SMOC2: variants seen among roughly 807,000 people sequenced by gnomAD.
SMOC2 encodes the protein SPARC-related modular calcium-binding protein 2.
A neutral mutation model predicts 61.4 loss-of-function variants in SMOC2; 39 were observed. That is an observed-to-expected ratio of 0.64 (90% CI 0.49 to 0.83). The LOEUF (loss-of-function observed/expected upper bound fraction) is 0.83. Ranked by LOEUF, SMOC2 falls within the 40% of genes least tolerant of loss-of-function variation. The probability of loss-of-function intolerance (pLI) is 0.00; values close to 1 mark genes in which losing one functional copy is unlikely to be tolerated. For synonymous variants in SMOC2, 247 were observed against 239.9 expected (o/e 1.03, Z -0.27); for missense variants, 556 against 592.9 (o/e 0.94, Z 0.65).
chr6:168,646,379 T>C (rs1009922073), intron 9 of SMOC2, among the ~76,000 whole-genome samples: 14 of 152,204 alleles, frequency 9.2e-5, no homozygotes, highest in Admixed American at 3.3e-4. Flanking sequence ...TTTGAGTTCC[T>C]TCAGGGGCAG....
At chr6:168,636,777 C>G (rs562140878) in intron 9 of SMOC2, among the ~76,000 whole-genome samples, 4 of 152,188 alleles carry the variant, frequency 2.6e-5, no homozygotes, top group African/African-American at 7.2e-5. Flanking sequence ...AGCTGGTGGC[C>G]GAGGCTGGTG....
chr6:168,517,644 T>C (rs1378426003), intron 2 of SMOC2, among the ~76,000 whole-genome samples: 1 of 152,198 alleles, frequency 6.6e-6, no homozygotes, highest in African/African-American at 2.4e-5. Context: ...CCACGCGCTC[T>C]GCTCCTTCTG....
chr6:168,482,621 A>G (rs967720249), intron 1 of SMOC2, among the ~76,000 whole-genome samples: 2 of 152,118 alleles, frequency 1.3e-5, no homozygotes, highest in African/African-American at 4.8e-5. Flanking sequence ...CTAGAGGCCA[A>G]TATCCCTTAT....
chr6:168,576,944 A>T (rs1784817922), intron 7 of SMOC2, among the ~76,000 whole-genome samples: 1 of 151,578 alleles, frequency 6.6e-6, no homozygotes, highest in Non-Finnish European at 1.5e-5. Context: ...ATACCTGGAG[A>T]AAGAAGGGCC....
At chr6:168,645,168 GAGA>G (rs1562401472) in intron 9 of SMOC2, among the ~76,000 whole-genome samples, 1 of 152,172 alleles carries the variant, frequency 6.6e-6, no homozygotes, top group African/African-American at 2.4e-5. Context: ...CAGATTTCTG[GAGA>G]AGGAGAGAAG....
chr6:168,630,523 T>G (rs1786539953), intron 9 of SMOC2, among the ~76,000 whole-genome samples: 1 of 152,150 alleles, frequency 6.6e-6, no homozygotes, highest in Non-Finnish European at 1.5e-5. Context: ...ATAATTGCAT[T>G]AACTGCACAA....
At chr6:168,579,542 A>T (rs1784879149) in intron 7 of SMOC2, among the ~76,000 whole-genome samples, 1 of 152,250 alleles carries the variant, frequency 6.6e-6, no homozygotes, top group African/African-American at 2.4e-5. Flanking sequence ...ATTCTACAGA[A>T]TCTGACAGAG....
rs200774380 is a variant in SMOC2 at position 168,598,909 on chromosome 6, C to T, written c.729C>T (p.Gly243=). Residue 243 remains glycine (G), a synonymous_variant, in exon 8 of 13, where the codon GGC becomes GGT. Transcript: ENST00000356284. ...TGGTGATCCCTGAGTGTGCGCACGG[C>T]GGCCTCTACAAGCCAGTGCAGTGCC... The part of the protein sequence containing the change: ...DNVVIPECAH[G]GLYKPVQCHP... 17 of 1,613,384 alleles carry T rather than the reference C, an allele frequency of 1.1e-5. No individual in the cohort carries two copies. Among genetic ancestry groups the T allele is most frequent in the South Asian group, 4.4e-5 (4 of 91,086 alleles).
chr6:168,567,019 A>G (rs1784561417), intron 7 of SMOC2, among the ~76,000 whole-genome samples: 1 of 152,262 alleles, frequency 6.6e-6, no homozygotes, highest in Non-Finnish European at 1.5e-5. Context: ...GCATTTTTAT[A>G]GCTCATAACT....
intron 2 of SMOC2, among the ~76,000 whole-genome samples, chr6:168,517,114 G>A (rs975421956): frequency 2.0e-5 from 3 of 152,212 alleles, no homozygotes; most frequent in Non-Finnish European, 2.9e-5. Flanking sequence ...TCGCTGTGCC[G>A]TGACAAGGCG....
intron 1 of SMOC2, among the ~76,000 whole-genome samples, chr6:168,487,297 C>G (rs932567109): frequency 6.6e-6 from 1 of 152,174 alleles, no homozygotes. Flanking sequence ...AGGAACGACT[C>G]ATATTTGGCT....
At chr6:168,610,195 C>G (rs1785818519) in intron 9 of SMOC2, among the ~76,000 whole-genome samples, 2 of 152,166 alleles carry the variant, frequency 1.3e-5, no homozygotes, top group South Asian at 4.2e-4. Context: ...ATGCTCCTCT[C>G]TGCTAAAACA....
intron 9 of SMOC2, among the ~76,000 whole-genome samples, chr6:168,623,970 G>C (rs1786317506): frequency 6.6e-6 from 1 of 152,168 alleles, no homozygotes; most frequent in South Asian, 2.1e-4. Flanking sequence ...CTGGCGGCTG[G>C]GTGGGGCATC....
At chr6:168,454,445 C>T (rs1299757836) in intron 1 of SMOC2, among the ~76,000 whole-genome samples, 1 of 152,062 alleles carries the variant, frequency 6.6e-6, no homozygotes. Context: ...CTGAAAATAG[C>T]CCCTCGTAAC....
At chr6:168,621,056 TG>T (rs1307259158) in intron 9 of SMOC2, among the ~76,000 whole-genome samples, 1 of 152,166 alleles carries the variant, frequency 6.6e-6, no homozygotes, top group African/African-American at 2.4e-5. Flanking sequence ...TCAGACAGCA[TG>T]ATTTACTTTT....
intron 4 of SMOC2, among the ~76,000 whole-genome samples, chr6:168,531,438 C>A (rs73791059): frequency 1.3e-5 from 2 of 152,316 alleles, no homozygotes; most frequent in South Asian, 2.1e-4. Flanking sequence ...ATTTCTCTAG[C>A]GTCCTTCCCT....
At chr6:168,454,489 G>T (rs557786049) in intron 1 of SMOC2, among the ~76,000 whole-genome samples, 1 of 151,998 alleles carries the variant, frequency 6.6e-6, no homozygotes, top group Non-Finnish European at 1.5e-5. Flanking sequence ...CTCAGGACAC[G>T]TGCCCCCAAC....
intron 1 of SMOC2, among the ~76,000 whole-genome samples, chr6:168,497,589 T>G (rs1429819754): frequency 6.6e-6 from 1 of 152,140 alleles, no homozygotes; most frequent in Non-Finnish European, 1.5e-5. Context: ...CTAGGAGTCC[T>G]GAGTGGGAGC....
intron 4 of SMOC2, among the ~76,000 whole-genome samples, chr6:168,538,189 C>T (rs1338843299): frequency 7.3e-6 from 1 of 137,834 alleles, no homozygotes; most frequent in Non-Finnish European, 1.5e-5. Context: ...GGGGTGACCC[C>T]TGCTGGAATC....
Sources: gnomAD v4.1 joint callset for allele counts (sites outside exome capture counted in the v4.1 genomes callset) on GRCh38, gnomAD v4.1.1 for gene constraint, MANE v1.5 for transcripts, NCBI Gene and HGNC (gene_info 2026-07-23, HGNC 2026-07-21) for gene names.